Variants in HEATR5B observed in about 807,000 individuals in gnomAD.
The protein encoded by HEATR5B is HEAT repeat-containing protein 5B.
Under a neutral mutation model 224.1 loss-of-function variants are expected in HEATR5B, and 156 were observed. That is an observed-to-expected ratio of 0.70 (90% CI 0.61 to 0.80). The LOEUF (loss-of-function observed/expected upper bound fraction) is 0.80. Ranked by LOEUF, HEATR5B falls within the 30% of genes least tolerant of loss-of-function variation. HEATR5B has a pLI of 0.00. For synonymous variants in HEATR5B, 1,027 were observed against 893.0 expected (o/e 1.15, Z -2.68); for missense variants, 2,323 against 2,535.5 (o/e 0.92, Z 1.80).
At chr2:37,015,972 G>C (rs1190934205) in intron 26 of HEATR5B, among the ~76,000 whole-genome samples, 1 of 151,996 alleles carries the variant, frequency 6.6e-6, no homozygotes, top group Non-Finnish European at 1.5e-5. Context: ...AATAAAGAAA[G>C]AAATTGAAAA....
At chr2:37,066,095 G>C (rs1671571435) in intron 8 of HEATR5B, among the ~76,000 whole-genome samples, 185 bp from the exon 9 acceptor site, 3 of 152,182 alleles carry the variant, frequency 2.0e-5, no homozygotes, top group African/African-American at 7.2e-5. Flanking sequence ...TTGTTTAATA[G>C]CTTTATAATA....
At chr2:36,999,267 A>G (rs1054968342) in intron 33 of HEATR5B, among the ~76,000 whole-genome samples, 1 of 152,180 alleles carries the variant, frequency 6.6e-6, no homozygotes, top group Non-Finnish European at 1.5e-5. Context: ...ATCAACATGT[A>G]GTTCCATGTG....
In HEATR5B at chr2:37,057,436, A is replaced by G. The variant is rs1284522190; in HGVS notation, c.2104T>C (p.Leu702=). ...LLRELVAEFT[L]TDNSANTTTS... ...GTTGTGTTGGCTGAGTTGTCAGTCA[A>G]AGTGAATTCCGCTACCAGTTCTCTA... The change falls in exon 15 of 36, where the codon TTG becomes CTG. Residue 702 remains leucine, a synonymous_variant. Transcript: ENST00000233099. 87 of 1,611,474 alleles carry G rather than the reference A, an allele frequency of 5.4e-5. No homozygotes were observed. The highest frequency in any genetic ancestry group is 7.2e-5 in the Non-Finnish European group (85 of 1,178,882).
rs556592739 is a variant in HEATR5B at position 37,047,190 on chromosome 2, T to A, written c.2696+2463A>T. On this transcript the variant is annotated intron_variant, in intron 18 of 35. Coordinates refer to ENST00000233099, the MANE Select transcript of HEATR5B (RefSeq NM_019024.3). ...AGGATCCCATCTCAAAAAAAAAAAA[T>A]AAATAAATAAATGTAGCAATGAATG... 1.5e-3 allele frequency among the ~76,000 whole-genome samples: 222 copies of A among 149,388 alleles called. 1 individual carries two copies. Among genetic ancestry groups the A allele is most frequent in the Middle Eastern group, 0.01 (3 of 292 alleles).
In HEATR5B at chr2:36,981,813, G is replaced by T; in HGVS notation, c.5912-19C>A. The T allele has an allele frequency of 1.3e-6, 2 of 1,539,314 alleles. No individual in the cohort carries two copies. The highest frequency in any genetic ancestry group is 1.8e-6 in the Non-Finnish European group (2 of 1,136,972). On this transcript the variant is annotated intron_variant, in intron 35 of 35. Coordinates refer to ENST00000233099, the MANE Select transcript of HEATR5B (RefSeq NM_019024.3). Reference sequence around the variant, plus strand: ...TGGACTCCTGTAAATAATAAAGTATGAAAAAAGATCACAAACATAAGGATT... The same window carrying T: ...TGGACTCCTGTAAATAATAAAGTATTAAAAAAGATCACAAACATAAGGATT...
At chr2:37,048,341 T>C (rs568415424) in intron 18 of HEATR5B, among the ~76,000 whole-genome samples, 2 of 152,144 alleles carry the variant, frequency 1.3e-5, no homozygotes, top group East Asian at 3.9e-4. Flanking sequence ...TATTCAACCA[T>C]GCCCAGCTAA....
At chr2:36,989,538 T>C (rs899912486) in intron 34 of HEATR5B, among the ~76,000 whole-genome samples, 3 of 152,182 alleles carry the variant, frequency 2.0e-5, no homozygotes, top group African/African-American at 4.8e-5. Context: ...AACAAAGCTA[T>C]AAAAATACAT....
At chr2:37,053,629 A>T in intron 16 of HEATR5B, 22 bp from the exon 17 acceptor site, 1 of 1,470,846 alleles carries the variant, frequency 6.8e-7, no homozygotes, top group South Asian at 1.2e-5. Context: ...AGAAAAAAAA[A>T]TCACATTAGT....
rs753832806 is a variant in HEATR5B, at chr2:36,981,823, C to T, written c.5912-29G>A. On this transcript the variant is annotated intron_variant, in intron 35 of 35. Coordinates refer to ENST00000233099, the MANE Select transcript of HEATR5B (RefSeq NM_019024.3). ...TAAATAATAAAGTATGAAAAAAGAT[C>T]ACAAACATAAGGATTATAATAAACT... is the stretch of plus-strand genomic sequence containing the variant. The T allele has an allele frequency of 2.7e-6, 4 of 1,506,842 alleles. No homozygotes were observed. The Admixed American group carries it at 8.1e-5, about 31-fold the overall frequency. 93.3% of individuals were successfully genotyped at this position (1,506,842 alleles called of 1,614,324 possible).
intron 27 of HEATR5B, among the ~76,000 whole-genome samples, chr2:37,011,490 G>C (rs1232829602): frequency 1.3e-5 from 2 of 152,088 alleles, no homozygotes; most frequent in Non-Finnish European, 2.9e-5. Context: ...GCTATAAAAA[G>C]TTGGAAAAAT....
chr2:37,040,290 T>C (rs1669790239), intron 20 of HEATR5B, 39 bp downstream of exon 20: 2 of 1,485,960 alleles, frequency 1.3e-6, no homozygotes, highest in East Asian at 2.3e-5. Flanking sequence ...AGATACTGAT[T>C]ATCTAACTAG....
chr2:37,053,583 A>T lies in HEATR5B; in HGVS notation c.2424T>A (p.Ala808=), dbSNP rs765542460. ...CACCTTTAGCTTGTTTAACACATTCAGCAAAGTGATCCAACATTTGTAATC... is the reference window on the plus strand; with the variant it reads ...CACCTTTAGCTTGTTTAACACATTCTGCAAAGTGATCCAACATTTGTAATC... ...KHRLQMLDHF[A]ECVKQAKGVR... The change falls in exon 17 of 36, where the codon GCT becomes GCA. Residue 808 remains alanine (A), a synonymous_variant. Coordinates refer to ENST00000233099, the MANE Select transcript of HEATR5B (RefSeq NM_019024.3). The T allele has an allele frequency of 4.4e-6, 7 of 1,604,722 alleles. No individual in the cohort carries two copies. Among genetic ancestry groups the T allele is most frequent in the Non-Finnish European group, 6.0e-6 (7 of 1,173,516 alleles).
At chr2:36,988,595 C>T in intron 35 of HEATR5B, 51 bp downstream of exon 35, 1 of 1,438,456 alleles carries the variant, frequency 7.0e-7, no homozygotes, top group South Asian at 1.2e-5. Context: ...GATTTATATA[C>T]AATACAGATC....
At chr2:37,057,287 T>C (rs1159644849) in intron 15 of HEATR5B, 30 bp downstream of exon 15, 13 of 1,523,132 alleles carry the variant, frequency 8.5e-6, no homozygotes, top group Non-Finnish European at 1.2e-5. Context: ...CAGATTAAGT[T>C]AGTATTTCAT....
intron 2 of HEATR5B, among the ~76,000 whole-genome samples, chr2:37,081,408 G>A (rs190080668): frequency 4.6e-5 from 7 of 152,182 alleles, no homozygotes; most frequent in Admixed American, 3.3e-4. Context: ...ACAACAACAG[G>A]AACAATAACA....
chr2:36,997,409 A>G (rs980755893), intron 33 of HEATR5B, among the ~76,000 whole-genome samples: 3 of 151,834 alleles, frequency 2.0e-5, no homozygotes, highest in African/African-American at 7.3e-5. Flanking sequence ...GAATGGTCAC[A>G]AACTCCTCTG....
At chr2:37,055,354 C>T (rs955636959) in intron 16 of HEATR5B, among the ~76,000 whole-genome samples, 3 of 151,924 alleles carry the variant, frequency 2.0e-5, no homozygotes, top group African/African-American at 7.3e-5. Flanking sequence ...AGTGATCATA[C>T]AGAATTGAGA....
chr2:36,987,650 TA>T lies in HEATR5B; in HGVS notation c.5911+995del, dbSNP rs952271911. Among the ~76,000 whole-genome samples the T allele has an allele frequency of 2.3e-4, 35 of 152,160 alleles. No individual in the cohort carries two copies. The East Asian group carries it at 2.5e-3, about 11-fold the overall frequency. On this transcript the variant is annotated intron_variant, in intron 35 of 35. Coordinates refer to ENST00000233099, the MANE Select transcript of HEATR5B (RefSeq NM_019024.3). ...TGTATGCAGTAGTTTTTCATTAAATTAAAAAAAATTCTAAATAACAAGTTTT... is the reference window on the plus strand; with the variant it reads ...TGTATGCAGTAGTTTTTCATTAAATTAAAAAAATTCTAAATAACAAGTTTT...
intron 20 of HEATR5B, among the ~76,000 whole-genome samples, chr2:37,040,052 TTAAC>T (rs1449179013): frequency 1.3e-5 from 2 of 152,230 alleles, no homozygotes; most frequent in African/African-American, 4.8e-5. Context: ...AACTCTATTA[TTAAC>T]TTTCTTTTCA....
Sources: allele counts gnomAD v4.1 joint callset (sites outside exome capture counted in the v4.1 genomes callset), GRCh38; gene constraint gnomAD v4.1.1; transcripts MANE v1.5; gene names NCBI Gene and HGNC (gene_info 2026-07-23, HGNC 2026-07-21).